Variants in KATNAL1 observed in about 807,000 individuals in gnomAD.
KATNAL1 encodes the protein katanin catalytic subunit A1 like 1, also known as katanin p60 ATPase-containing subunit A-like 1.
A neutral mutation model predicts 55.2 loss-of-function variants in KATNAL1; 32 were observed. The observed-to-expected ratio is 0.58, with a 90% CI of 0.44 to 0.78. The LOEUF (loss-of-function observed/expected upper bound fraction) is 0.78. Ranked by LOEUF, KATNAL1 falls within the 30% of genes least tolerant of loss-of-function variation. The probability of loss-of-function intolerance (pLI) is 0.00; values close to 1 mark genes in which losing one functional copy is unlikely to be tolerated. For missense variants in KATNAL1, 466 were observed against 600.9 expected, an observed-to-expected ratio of 0.78 and a Z score of 2.35; for synonymous variants, 193 against 193.6, an observed-to-expected ratio of 1.00 and a Z score of 0.02.
chr13:30,227,362 G>A, intron 9 of KATNAL1, 50 bp downstream of exon 9: 1 of 1,559,944 alleles, frequency 6.4e-7, no homozygotes, highest in Non-Finnish European at 8.7e-7. Flanking sequence ...AGATACATGG[G>A]AAAGGTAACA....
intron 9 of KATNAL1, among the ~76,000 whole-genome samples, chr13:30,215,651 C>T (rs965301220): frequency 1.3e-5 from 2 of 152,202 alleles, no homozygotes; most frequent in South Asian, 4.2e-4. Flanking sequence ...TAGAAATCAT[C>T]ATTCTCAGTA....
chr13:30,250,864 C>T lies in KATNAL1; in HGVS notation c.492+4583G>A, dbSNP rs148520013. Among the ~76,000 whole-genome samples the T allele has an allele frequency of 1.7e-3, 256 of 152,316 alleles. 1 individual carries two copies. The highest frequency in any genetic ancestry group is 5.6e-3 in the African/African-American group (231 of 41,576). Reference sequence around the variant, plus strand: ...ATAATCTTAAAAATACTTGGCTGGGCGCAGTGGTTCACGCCTGTAATCCCA... The same window carrying T: ...ATAATCTTAAAAATACTTGGCTGGGTGCAGTGGTTCACGCCTGTAATCCCA... On this transcript the variant is annotated intron_variant, in intron 4 of 10. Coordinates refer to ENST00000380615, the MANE Select transcript of KATNAL1 (RefSeq NM_032116.5).
intron 3 of KATNAL1, among the ~76,000 whole-genome samples, chr13:30,256,778 G>A (rs966213859): frequency 6.6e-6 from 1 of 152,148 alleles, no homozygotes; most frequent in Non-Finnish European, 1.5e-5. Flanking sequence ...AGACTACATC[G>A]TGAAATTTCT....
chr13:30,298,003 CT>C (rs2137567146), intron 1 of KATNAL1, among the ~76,000 whole-genome samples: 1 of 152,224 alleles, frequency 6.6e-6, no homozygotes, highest in Non-Finnish European at 1.5e-5. Flanking sequence ...GATGTACCCC[CT>C]AAATCTAAAA....
intron 1 of KATNAL1, among the ~76,000 whole-genome samples, chr13:30,299,731 A>T (rs1882745950): frequency 6.6e-6 from 1 of 152,218 alleles, no homozygotes; most frequent in African/African-American, 2.4e-5. Context: ...TTACTGCTGA[A>T]CTGACCCAGC....
At position 30,255,620 on chromosome 13, in the gene KATNAL1, CAAAA is replaced by C. The variant is rs11348486; in HGVS notation, c.324-9_324-6del. 1.0e-3 allele frequency: 1,076 copies of C among 1,075,664 alleles called. No homozygotes were observed. The highest frequency in any genetic ancestry group is 2.3e-3 in the South Asian group (62 of 27,080). The allele number at this position is 1,075,664 out of a possible 1,614,324, so 66.6% of individuals were successfully genotyped here. On this transcript the variant is annotated splice_polypyrimidine_tract_variant and splice_region_variant and intron_variant, in intron 3 of 10. Coordinates refer to ENST00000380615, the MANE Select transcript of KATNAL1 (RefSeq NM_032116.5). ...CGCCTGATCTGAGGTGGAGCTCTGA[CAAAA>C]AAAAAAAAAAAAAAATTAAAATTAA...
chr13:30,248,834 T>C (rs1411493588), intron 4 of KATNAL1, among the ~76,000 whole-genome samples: 1 of 151,844 alleles, frequency 6.6e-6, no homozygotes, highest in Admixed American at 6.6e-5. Context: ...CCGAGACGGG[T>C]GGATCACGAG....
chr13:30,288,335 G>T (rs971485281), intron 1 of KATNAL1, among the ~76,000 whole-genome samples: 11 of 152,112 alleles, frequency 7.2e-5, no homozygotes, highest in African/African-American at 2.7e-4. Context: ...GGTTAAATAA[G>T]AAGTGCCTCA....
rs182493587 is a variant in KATNAL1 at position 30,257,881 on chromosome 13, T to C, written c.324-2266A>G. Among the ~76,000 whole-genome samples, 647 of 152,332 alleles carry C rather than the reference T, an allele frequency of 4.2e-3. 4 individuals carry two copies. The highest frequency in any genetic ancestry group is 6.5e-3 in the Non-Finnish European group (441 of 68,024). ...AGTTCCATCTCACTGCAATTGGATA[T>C]TACATTTGTAACAGACTCTGTGGAC... On this transcript the variant is annotated intron_variant, in intron 3 of 10. Coordinates refer to ENST00000380615, the MANE Select transcript of KATNAL1 (RefSeq NM_032116.5).
At chr13:30,264,911 G>A in intron 3 of KATNAL1, among the ~76,000 whole-genome samples, 1 of 143,568 alleles carries the variant, frequency 7.0e-6, no homozygotes, top group East Asian at 2.0e-4. Context: ...CTGCTATAAA[G>A]ACACATGCAC....
Position 30,203,232 on chromosome 13 carries a change from A to T in KATNAL1, c.*5308T>A, listed in dbSNP as rs1473390536. On this transcript the variant is annotated 3_prime_UTR_variant, in exon 11 of 11. Coordinates refer to ENST00000380615, the MANE Select transcript of KATNAL1 (RefSeq NM_032116.5). ...TACAAACACTTTGCTAGAGAAAGAAAGATGGAATATTTTAAACAATTTCAA... is the reference window on the plus strand; with the variant it reads ...TACAAACACTTTGCTAGAGAAAGAATGATGGAATATTTTAAACAATTTCAA... 1 of 152,266 alleles carries T rather than the reference A, an allele frequency of 6.6e-6. No individual in the cohort carries two copies. Among genetic ancestry groups the T allele is most frequent in the Non-Finnish European group, 1.5e-5 (1 of 68,044 alleles). 9.4% of individuals were successfully genotyped at this position (152,266 alleles called of 1,614,324 possible).
chr13:30,215,624 A>G (rs999792182), intron 9 of KATNAL1, among the ~76,000 whole-genome samples: 11 of 152,238 alleles, frequency 7.2e-5, no homozygotes, highest in African/African-American at 2.7e-4. Flanking sequence ...TGTCCTTTGT[A>G]GGGACATGGA....
At chr13:30,283,922 T>C (rs1881599225) in intron 1 of KATNAL1, 131 bp from the exon 2 acceptor site, 2 of 635,404 alleles carry the variant, frequency 3.1e-6, no homozygotes, top group Non-Finnish European at 5.2e-6. Context: ...ATTGCCCAGA[T>C]TGGAGTGCAG....
At chr13:30,288,566 T>C (rs1354155626) in intron 1 of KATNAL1, among the ~76,000 whole-genome samples, 1 of 152,228 alleles carries the variant, frequency 6.6e-6, no homozygotes, top group Non-Finnish European at 1.5e-5. Flanking sequence ...ATAACTTTAC[T>C]GCAGTATTAG....
intron 9 of KATNAL1, among the ~76,000 whole-genome samples, chr13:30,220,341 A>C (rs947647575): frequency 1.3e-5 from 2 of 151,988 alleles, no homozygotes; most frequent in African/African-American, 4.8e-5. Flanking sequence ...TGTGCCTGTA[A>C]TCCTGGCTAC....
intron 9 of KATNAL1, among the ~76,000 whole-genome samples, chr13:30,210,982 C>T (rs1427317154): frequency 1.3e-5 from 2 of 152,116 alleles, no homozygotes; most frequent in African/African-American, 4.8e-5. Context: ...AGAGCCAGCC[C>T]ACAGACATTT....
At chr13:30,283,093 C>A (rs1881505388) in intron 2 of KATNAL1, among the ~76,000 whole-genome samples, 1 of 150,540 alleles carries the variant, frequency 6.6e-6, no homozygotes, top group South Asian at 2.1e-4. Context: ...CATGGTGAAA[C>A]CCTGTTTCTA....
At chr13:30,276,955 C>T (rs972567409) in intron 3 of KATNAL1, among the ~76,000 whole-genome samples, 9 of 152,068 alleles carry the variant, frequency 5.9e-5, no homozygotes, top group African/African-American at 1.9e-4. Context: ...TATGCATATA[C>T]AATAACAGTA....
At chr13:30,213,294 C>G (rs1873875751) in intron 9 of KATNAL1, among the ~76,000 whole-genome samples, 1 of 152,180 alleles carries the variant, frequency 6.6e-6, no homozygotes, top group East Asian at 1.9e-4. Flanking sequence ...GCTTACCAAC[C>G]AAAAAGAGTC....
Sources: allele counts gnomAD v4.1 joint callset (sites outside exome capture counted in the v4.1 genomes callset), GRCh38; gene constraint gnomAD v4.1.1; transcripts MANE v1.5; gene names NCBI Gene and HGNC (gene_info 2026-07-23, HGNC 2026-07-21).